Variants in FRMPD4 observed in about 807,000 individuals in gnomAD.
FRMPD4 encodes the protein FERM and PDZ domain-containing protein 4.
In FRMPD4, 22 loss-of-function variants were observed where a neutral mutation model predicts 94.1. The ratio of observed to expected loss-of-function variants is 0.23; its 90% CI spans 0.17 to 0.33. FRMPD4 has a LOEUF of 0.33. Ranked by LOEUF, FRMPD4 falls within the 10% of genes least tolerant of loss-of-function variation. The pLI is 1.00. For missense variants in FRMPD4, 1,111 were observed against 1,339.9 expected (o/e 0.83, Z 2.67); for synonymous variants, 631 against 548.6 (o/e 1.15, Z -2.10).
intron 1 of FRMPD4, among the ~76,000 whole-genome samples, chrX:12,186,840 A>C (rs2095359969): frequency 8.9e-6 from 1 of 111,811 alleles, no homozygotes; most frequent in Non-Finnish European, 1.9e-5. Context: ...TTTCTCTCTG[A>C]CTTTTGGAAG....
chrX:12,238,547 G>A (rs1000288482), intron 1 of FRMPD4, among the ~76,000 whole-genome samples: 7 of 111,985 alleles, frequency 6.3e-5, no homozygotes, highest in African/African-American at 1.6e-4. Context: ...TTCTTTAAAC[G>A]TTGTGTCAGT....
chrX:11,914,296 T>C (rs1000949759), intron 3 of FRMPD4, among the ~76,000 whole-genome samples: 2 of 107,073 alleles, frequency 1.9e-5, no homozygotes, highest in Non-Finnish European at 3.9e-5. Context: ...TTTTTCTTTT[T>C]TTTTTTTTTT....
At chrX:12,134,488 A>T (rs1460794225), upstream of FRMPD4, among the ~76,000 whole-genome samples, 3 of 112,132 alleles carry the variant, frequency 2.7e-5, no homozygotes, top group Non-Finnish European at 5.6e-5. Flanking sequence ...CAGATGGTCG[A>T]GATGCTTCAG....
At position 12,683,575 on chromosome X, in the gene FRMPD4, C is replaced by T. The variant is rs749876721; in HGVS notation, c.561C>T (p.Asn187=). ...GCTTCTCTGAGGAGGTCATCATCAA[C>T]GGCCAAGTGTCGGTGAGTTTACAGT... ...KVRFSEEVII[N]GQVSETVKDN... Residue 187 remains asparagine (N), a synonymous_variant, in exon 6 of 17, where the codon AAC becomes AAT. Coordinates refer to ENST00000675598, the MANE Select transcript of FRMPD4 (RefSeq NM_001368397.1). The T allele has an allele frequency of 6.2e-6, 7 of 1,129,708 alleles. No homozygotes were observed. Among genetic ancestry groups the T allele is most frequent in the East Asian group, 3.0e-5 (1 of 33,305 alleles). The allele number at this position is 1,129,708 out of a possible 1,213,427, so 93.1% of individuals were successfully genotyped here.
chrX:11,833,192 A>G (rs759630552), intron 1 of FRMPD4, among the ~76,000 whole-genome samples: 1 of 112,046 alleles, frequency 8.9e-6, no homozygotes, highest in Non-Finnish European at 1.9e-5. Context: ...TTAGTGCTGA[A>G]TAATATTTCA....
In FRMPD4 at chrX:11,970,756, A is replaced by G. The variant is rs769761577; in HGVS notation, c.95+92738A>G. Among the ~76,000 whole-genome samples the G allele has an allele frequency of 4.5e-5, 5 of 111,846 alleles. No homozygotes were observed. In the East Asian group the frequency reaches 1.4e-3, roughly 31 times the overall value. Reference sequence around the variant, plus strand: ...GCTTAAAGCATTTGCTAGTTTTGCTAATGTGATTTGACCTCACTGGGGCTC... The same window carrying G: ...GCTTAAAGCATTTGCTAGTTTTGCTGATGTGATTTGACCTCACTGGGGCTC... On this transcript the variant is annotated intron_variant, in intron 3 of 18. Coordinates refer to the FRMPD4 transcript ENST00000640291.
chrX:12,691,280 TTTG>T (rs777412134), intron 8 of FRMPD4, among the ~76,000 whole-genome samples: 1 of 110,177 alleles, frequency 9.1e-6, no homozygotes, highest in South Asian at 3.8e-4. Flanking sequence ...GTTGTTTTGT[TTTG>T]TTTTGTTTTG....
At chrX:12,136,530 G>A (rs2055598524), upstream of FRMPD4, among the ~76,000 whole-genome samples, 1 of 110,922 alleles carries the variant, frequency 9.0e-6, no homozygotes, top group African/African-American at 3.3e-5. Flanking sequence ...TGACAGGGTG[G>A]AGAAGCCGGC....
chrX:12,312,239 C>A (rs1393450637), intron 1 of FRMPD4, among the ~76,000 whole-genome samples: 1 of 61,513 alleles, frequency 1.6e-5, no homozygotes. Context: ...TGCTCCATTA[C>A]TTTTTTTTTT....
At chrX:11,933,415 A>G (rs1442608110) in intron 3 of FRMPD4, among the ~76,000 whole-genome samples, 3 of 112,557 alleles carry the variant, frequency 2.7e-5, no homozygotes, top group Non-Finnish European at 5.6e-5. Flanking sequence ...GAGCTATCTT[A>G]GCAGTCTAAA....
chrX:11,888,981 A>C (rs1017586431), intron 3 of FRMPD4, among the ~76,000 whole-genome samples: 3 of 112,399 alleles, frequency 2.7e-5, no homozygotes, highest in East Asian at 2.8e-4. Context: ...AAGAGCAATA[A>C]AATGAGATAT....
At chrX:12,329,696 T>C (rs1019606339) in intron 1 of FRMPD4, among the ~76,000 whole-genome samples, 8 of 109,555 alleles carry the variant, frequency 7.3e-5, no homozygotes, top group Admixed American at 6.9e-4. Context: ...AACATCAGGA[T>C]CTGTGTGCCC....
intron 3 of FRMPD4, among the ~76,000 whole-genome samples, chrX:12,120,363 G>T (rs1011284): frequency 1.6e-4 from 18 of 111,609 alleles, no homozygotes; most frequent in Admixed American, 2.9e-4. Context: ...TAGTTATTGC[G>T]TCACAAAATT....
chrX:12,513,210 CTTTAG>C (rs1176655664), intron 2 of FRMPD4, among the ~76,000 whole-genome samples: 2 of 112,093 alleles, frequency 1.8e-5, no homozygotes, highest in African/African-American at 6.5e-5. Context: ...TGCAGAAGCT[CTTTAG>C]TTTAATTAGA....
chrX:11,935,072 ATTTTTTTTT>A (rs753999126), intron 3 of FRMPD4, among the ~76,000 whole-genome samples: 1 of 40,240 alleles, frequency 2.5e-5, no homozygotes, highest in Non-Finnish European at 4.4e-5. Context: ...ACTATTGGTG[ATTTTTTTTT>A]TTTTTTTTTT....
rs180946394 is a variant in FRMPD4 at position 12,309,369 on chromosome X, A to T, written c.41+170357A>T. ...CACTGATAGTGATTAAAAAAAATAAAAAAAAAGTCTTATGGTCTGTTTTCT... is the reference window on the plus strand; with the variant it reads ...CACTGATAGTGATTAAAAAAAATAATAAAAAAGTCTTATGGTCTGTTTTCT... On this transcript the variant is annotated intron_variant, in intron 1 of 16. Transcript: ENST00000675598. 7.5e-4 allele frequency among the ~76,000 whole-genome samples: 84 copies of T among 112,224 alleles called. 1 individual carries two copies. Among genetic ancestry groups the T allele is most frequent in the African/African-American group, 2.6e-3 (81 of 30,900 alleles).
chrX:12,239,362 C>T (rs916467653), intron 1 of FRMPD4, among the ~76,000 whole-genome samples: 1 of 112,592 alleles, frequency 8.9e-6, no homozygotes, highest in Non-Finnish European at 1.9e-5. Flanking sequence ...CAGATGGGAG[C>T]ATTAGTGTTT....
chrX:12,184,511 C>T (rs907906754), intron 1 of FRMPD4, among the ~76,000 whole-genome samples: 2 of 112,042 alleles, frequency 1.8e-5, no homozygotes, highest in Non-Finnish European at 3.8e-5. Flanking sequence ...GAGATTTCTG[C>T]CAATGCATTC....
chrX:12,159,278 G>T (rs896384524), intron 1 of FRMPD4, among the ~76,000 whole-genome samples: 2 of 112,142 alleles, frequency 1.8e-5, no homozygotes, highest in African/African-American at 6.5e-5. Context: ...AGGCTCACAT[G>T]TCACTTCTGC....
Sources: allele counts gnomAD v4.1 joint callset (sites outside exome capture counted in the v4.1 genomes callset), GRCh38; gene constraint gnomAD v4.1.1; transcripts MANE v1.5; gene names NCBI Gene and HGNC (gene_info 2026-07-23, HGNC 2026-07-21).